The following USP36 variants were observed in gnomAD, a reference collection of about 807,000 sequenced individuals.
USP36 encodes ubiquitin carboxyl-terminal hydrolase 36.
Under a neutral mutation model 111.5 loss-of-function variants are expected in USP36, and 59 were observed. That is an observed-to-expected ratio of 0.53 (90% CI 0.43 to 0.66). The LOEUF (loss-of-function observed/expected upper bound fraction) is 0.66, where lower values mean the gene tolerates loss of function less well. Among genes scored for constraint, USP36 ranks in the 30% least tolerant of loss-of-function variants. The pLI is 0.00. For synonymous variants in USP36, 628 were observed against 581.0 expected, an observed-to-expected ratio of 1.08 and a Z score of -1.16; for missense variants, 1,488 against 1,468.0, an observed-to-expected ratio of 1.01 and a Z score of -0.22.
chr17:78,830,978 G>A (rs1229794169), intron 4 of USP36, among the ~76,000 whole-genome samples: 1 of 151,936 alleles, frequency 6.6e-6, no homozygotes, highest in Non-Finnish European at 1.5e-5. Flanking sequence ...TGTAATCCCA[G>A]CACTTTGGGA....
chr17:78,808,750 C>T (rs563805154), intron 13 of USP36, among the ~76,000 whole-genome samples: 1 of 152,210 alleles, frequency 6.6e-6, no homozygotes, highest in African/African-American at 2.4e-5. Context: ...TATTTAGATG[C>T]TGAATGTCAG....
chr17:78,816,465 A>G (rs1376514064), intron 10 of USP36, among the ~76,000 whole-genome samples: 1 of 152,028 alleles, frequency 6.6e-6, no homozygotes, highest in Non-Finnish European at 1.5e-5. Flanking sequence ...GTCTCTACTA[A>G]AAATACAAAA....
At chr17:78,799,905 T>TA (rs2093698940) in intron 17 of USP36, 137 bp from the exon 18 acceptor site, 4 of 524,768 alleles carry the variant, frequency 7.6e-6, no homozygotes, top group African/African-American at 2.4e-5. Flanking sequence ...TTTTTTTTTT[T>TA]AAAGACAGGG....
In USP36 at chr17:78,807,280, T is replaced by C; in HGVS notation, c.1764A>G (p.Thr588=). 6.2e-7 allele frequency: 1 copy of C among 1,614,164 alleles called. No individual in the cohort carries two copies. The highest frequency in any genetic ancestry group is 8.5e-7 in the Non-Finnish European group (1 of 1,180,014). Residue 588 remains threonine, a synonymous_variant, in exon 14 of 21, where the codon ACA becomes ACG. Coordinates refer to ENST00000449938, the MANE Select transcript of USP36 (RefSeq NM_001385174.1). Reference sequence around the variant, plus strand: ...TCAGCCCATGCCCGTTGGCAGTGGCTGTAGCCAGGAGCTTAGGTGAGGTAG... The same window carrying C: ...TCAGCCCATGCCCGTTGGCAGTGGCCGTAGCCAGGAGCTTAGGTGAGGTAG... ...VLSTSPKLLA[T]ATANGHGLKG...
In USP36 at chr17:78,806,089, C is replaced by T. The variant is rs2093891772; in HGVS notation, c.2216+67G>A. The stretch of plus-strand genomic sequence containing the variant: ...GGTTGGCGATTCGTCCAACTCCTCA[C>T]CAGCCAAGCACACGCAACCACAGGG... On this transcript the variant is annotated intron_variant, in intron 15 of 20. Coordinates refer to ENST00000449938, the MANE Select transcript of USP36 (RefSeq NM_001385174.1). 4 of 1,605,752 alleles carry T rather than the reference C, an allele frequency of 2.5e-6. No individual in the cohort carries two copies. In the East Asian group the frequency reaches 6.7e-5, roughly 27 times the overall value.
chr17:78,801,509 A>T (rs1223562918), intron 17 of USP36, among the ~76,000 whole-genome samples: 1 of 152,226 alleles, frequency 6.6e-6, no homozygotes, highest in African/African-American at 2.4e-5. Flanking sequence ...TATACCAAGC[A>T]GCCAGGACTT....
chr17:78,839,381 T>TAA (rs1220428719), intron 1 of USP36, among the ~76,000 whole-genome samples: 1 of 152,080 alleles, frequency 6.6e-6, no homozygotes, highest in Non-Finnish European at 1.5e-5. Context: ...CATCCATAAA[T>TAA]AAAAGCATAC....
rs1276931870 is a variant in USP36 at position 78,813,797 on chromosome 17, T to A, written c.1241A>T (p.Gln414Leu). The A allele has an allele frequency of 6.2e-7, 1 of 1,614,130 alleles. No individual in the cohort carries two copies. The highest frequency in any genetic ancestry group is 8.5e-7 in the Non-Finnish European group (1 of 1,179,978). ...CCGCAGATAGAACAGCACGTAGGCC[T>A]GCTGGTTCAGAACCACCTTGACGTT... ...SSNVKVVLNQ[Q>L]AYVLFYLRIP... Residue 414 changes from glutamine to leucine, a missense_variant, in exon 12 of 21, where the codon CAG becomes CTG. This residue lies in a region of USP36 where 1,073 missense variants were observed against 994.1 expected (regional missense o/e 1.08). Coordinates refer to ENST00000449938, the MANE Select transcript of USP36 (RefSeq NM_001385174.1).
rs1422585449 is a variant in USP36, at chr17:78,832,093, AT to A, written c.476-3087del. On this transcript the variant is annotated intron_variant, in intron 4 of 20. Coordinates refer to ENST00000449938, the MANE Select transcript of USP36 (RefSeq NM_001385174.1). Reference sequence around the variant, plus strand: ...ATTTATTCATGTAATTTAGGAAAATATAACTCAAAAGTCAATCCATGACTAC... The same window carrying A: ...ATTTATTCATGTAATTTAGGAAAATAAACTCAAAAGTCAATCCATGACTAC... 7.9e-5 allele frequency among the ~76,000 whole-genome samples: 12 copies of A among 152,344 alleles called. 1 individual carries two copies. The South Asian group carries it at 1.4e-3, about 18-fold the overall frequency.
chr17:78,805,793 G>A (rs1032979201), intron 15 of USP36, among the ~76,000 whole-genome samples: 2 of 152,204 alleles, frequency 1.3e-5, no homozygotes, highest in African/African-American at 4.8e-5. Flanking sequence ...TCTCGCCAAG[G>A]CCTCACTTCG....
intron 6 of USP36, 152 bp downstream of exon 6, chr17:78,827,093 G>GT: frequency 1.2e-6 from 1 of 834,472 alleles, no homozygotes; most frequent in South Asian, 1.4e-5. Flanking sequence ...GGCTCCAACA[G>GT]TTTGAGTACC....
chr17:78,787,791 T>A (rs1261958169), intron 3 of USP36: 1 of 152,216 alleles, frequency 6.6e-6, no homozygotes, highest in African/African-American at 2.4e-5. Flanking sequence ...GGTGACCTTA[T>A]TTGGAAGTGG....
intron 4 of USP36, among the ~76,000 whole-genome samples, chr17:78,829,932 A>G (rs905431065): frequency 6.6e-6 from 1 of 152,094 alleles, no homozygotes; most frequent in African/African-American, 2.4e-5. Context: ...GTAGAGACAG[A>G]GTTTCACCAT....
chr17:78,812,697 G>GAAAAAA (rs572009070), intron 13 of USP36, among the ~76,000 whole-genome samples, 163 bp downstream of exon 13: 65 of 52,384 alleles, frequency 1.2e-3, no homozygotes, highest in Non-Finnish European at 1.9e-3. Flanking sequence ...ACTCTGTCTC[G>GAAAAAA]AAAAAAAAAA....
intron 2 of USP36, 36 bp downstream of exon 2, chr17:78,838,551 G>C (rs1408864108): frequency 6.6e-6 from 1 of 152,086 alleles, no homozygotes; most frequent in Non-Finnish European, 1.5e-5. Context: ...ACAATTCAAC[G>C]GAATCAAAAA....
At chr17:78,828,760 T>C in intron 5 of USP36, 137 bp downstream of exon 5, 1 of 812,030 alleles carries the variant, frequency 1.2e-6, no homozygotes, top group Non-Finnish European at 1.9e-6. Context: ...ATCCCAACAC[T>C]TTGGCAGGCC....
At chr17:78,821,833 T>G in intron 7 of USP36, 104 bp downstream of exon 7, 4 of 1,334,714 alleles carry the variant, frequency 3.0e-6, no homozygotes, top group Non-Finnish European at 4.2e-6. Flanking sequence ...GACCCAGGTC[T>G]GCACAGCGAA....
At chr17:78,800,591 GC>G (rs2093716225) in intron 17 of USP36, among the ~76,000 whole-genome samples, 1 of 152,198 alleles carries the variant, frequency 6.6e-6, no homozygotes, top group South Asian at 2.1e-4. Flanking sequence ...CCACACAGTG[GC>G]TTCCATGGTT....
chr17:78,820,963 A>G lies in USP36; in HGVS notation c.828+28T>C, dbSNP rs370790521. ...CCCTCTGGCCTCGCTCTCCTACTGC[A>G]AAAGTGAAGGGCAGGACAGATCTGT... On this transcript the variant is annotated intron_variant, in intron 8 of 20. Coordinates refer to ENST00000449938, the MANE Select transcript of USP36 (RefSeq NM_001385174.1). 12 of 1,599,440 alleles carry G rather than the reference A, an allele frequency of 7.5e-6. No homozygotes were observed. In the African/African-American group the frequency reaches 1.3e-4, roughly 18 times the overall value.
Sources: gnomAD v4.1 joint callset for allele counts (sites outside exome capture counted in the v4.1 genomes callset) on GRCh38, gnomAD v4.1.1 for gene constraint, gnomAD v4.1.1 regional missense constraint, MANE v1.5 for transcripts, NCBI Gene and HGNC (gene_info 2026-07-23, HGNC 2026-07-21) for gene names.